The following DDX60 variants were observed in gnomAD, a reference collection of about 807,000 sequenced individuals.
DDX60 encodes DExD/H-box helicase 60, also known as probable ATP-dependent RNA helicase DDX60.
DDX60 carries 165 observed loss-of-function variants against 212.8 expected under a neutral mutation model. That is an observed-to-expected ratio of 0.78 (90% CI 0.68 to 0.88). The LOEUF (loss-of-function observed/expected upper bound fraction) is 0.88, where lower values mean the gene tolerates loss of function less well. Among genes scored for constraint, DDX60 ranks in the 40% least tolerant of loss-of-function variants. The pLI is 0.00. For synonymous variants in DDX60, 703 were observed against 685.3 expected (o/e 1.03, Z -0.40); for missense variants, 1,905 against 2,003.9 (o/e 0.95, Z 0.94).
Position 168,219,530 on chromosome 4 carries a change from G to A in DDX60, c.5039+1125C>T, listed in dbSNP as rs147474975. Among the ~76,000 whole-genome samples the A allele has an allele frequency of 2.7e-3, 410 of 152,086 alleles. 1 individual carries two copies. The highest frequency in any genetic ancestry group is 9.4e-3 in the African/African-American group (391 of 41,496). ...ACCCTATCTAGAGATATTCCAAGTG[G>A]ACAAAGCAGTTTCCTTCTGCTCCCA... On this transcript the variant is annotated intron_variant, in intron 37 of 37. Transcript: ENST00000393743.
intron 29 of DDX60, among the ~76,000 whole-genome samples, chr4:168,246,878 CAAA>C (rs1734042555): frequency 1.3e-5 from 2 of 152,082 alleles, no homozygotes; most frequent in African/African-American, 4.8e-5. Context: ...TAATATATAT[CAAA>C]GAAATAATGA....
chr4:168,299,157 C>CAAAAAAAA (rs1197872492), intron 6 of DDX60, among the ~76,000 whole-genome samples: 6 of 61,934 alleles, frequency 9.7e-5, no homozygotes, highest in African/African-American at 2.5e-4. Context: ...GAGACTGTCT[C>CAAAAAAAA]AAAAAAAAAA....
At chr4:168,300,041 T>G (rs1159778206) in intron 6 of DDX60, among the ~76,000 whole-genome samples, 1 of 152,226 alleles carries the variant, frequency 6.6e-6, no homozygotes, top group Non-Finnish European at 1.5e-5. Context: ...GCAAAAATTC[T>G]AAACAAAATG....
At chr4:168,265,043 T>C (rs775511968) in intron 22 of DDX60, among the ~76,000 whole-genome samples, 1 of 152,168 alleles carries the variant, frequency 6.6e-6, no homozygotes, top group Non-Finnish European at 1.5e-5. Context: ...TTTCAAGGAC[T>C]TCCTGGGGCT....
chr4:168,321,784 T>A (rs1214185137), upstream of DDX60, among the ~76,000 whole-genome samples: 1 of 152,150 alleles, frequency 6.6e-6, no homozygotes, highest in Non-Finnish European at 1.5e-5. Context: ...TATTTTAACA[T>A]CTCTTTGTCA....
At chr4:168,318,203 T>A (rs188736700) in intron 1 of DDX60, among the ~76,000 whole-genome samples, 31 of 152,348 alleles carry the variant, frequency 2.0e-4, no homozygotes, top group African/African-American at 6.5e-4. Context: ...AAACGCAGAT[T>A]CTGATTCTAC....
rs1313271041 is a variant in DDX60, at chr4:168,268,957, C to T, written c.2683G>A (p.Gly895Ser). 4 of 1,562,888 alleles carry T rather than the reference C, an allele frequency of 2.6e-6. No individual in the cohort carries two copies. In the Admixed American group the frequency reaches 5.3e-5, roughly 21 times the overall value. ...YVIFDEVHCL[G>S]GEIGAEIWEH... is the part of the protein sequence containing the mutation. Reference sequence around the variant, plus strand: ...CAGATTTCTGCTCCAATTTCTCCACCAAGACAATGAACCTATTAAACAAAA... The same window carrying T: ...CAGATTTCTGCTCCAATTTCTCCACTAAGACAATGAACCTATTAAACAAAA... The change falls in exon 20 of 38, where the codon GGT becomes AGT. Residue 895 changes from glycine to serine, a missense_variant. By Grantham distance (56) the Gly-to-Ser change is moderately conservative (BLOSUM62 0). Transcript: ENST00000393743.
chr4:168,285,258 T>C (rs1346586562), intron 11 of DDX60, 135 bp downstream of exon 11: 1 of 653,164 alleles, frequency 1.5e-6, no homozygotes, highest in Non-Finnish European at 2.6e-6. Flanking sequence ...AAAATTTTGA[T>C]TTTAAATTCA....
chr4:168,244,688 G>A (rs1378178193), intron 30 of DDX60, among the ~76,000 whole-genome samples: 1 of 151,872 alleles, frequency 6.6e-6, no homozygotes, highest in African/African-American at 2.4e-5. Context: ...TCATGCCACC[G>A]CACTCCAGCC....
chr4:168,252,548 C>T lies in DDX60; in HGVS notation c.3666G>A (p.Gln1222=), dbSNP rs753807412. 1.9e-6 allele frequency: 3 copies of T among 1,613,982 alleles called. No individual in the cohort carries two copies. In the East Asian group the frequency reaches 6.7e-5, roughly 36 times the overall value. The change falls in exon 27 of 38, where the codon CAG becomes CAA. Residue 1222 remains glutamine (Q), a synonymous_variant. Coordinates refer to ENST00000393743, the MANE Select transcript of DDX60 (RefSeq NM_017631.6). ...CTTTTTGATCAGCATATGTGCAGTCCTGTGGGATTTCCAGGTTCTTCTCTA... is the reference window on the plus strand; with the variant it reads ...CTTTTTGATCAGCATATGTGCAGTCTTGTGGGATTTCCAGGTTCTTCTCTA... ...KCLEKNLEIP[Q]DCTYADQKAV...
At chr4:168,227,212 T>C (rs1733289030) in intron 33 of DDX60, among the ~76,000 whole-genome samples, 1 of 44,768 alleles carries the variant, frequency 2.2e-5, no homozygotes, top group Non-Finnish European at 4.1e-5. Context: ...GTGGGAATGT[T>C]TTTTTTTTTT....
In DDX60 at chr4:168,221,755, A is replaced by T. The variant is rs1039964606; in HGVS notation, c.4951T>A (p.Leu1651Met). 6.2e-7 allele frequency: 1 copy of T among 1,612,828 alleles called. No homozygotes were observed. The highest frequency in any genetic ancestry group is 1.3e-5 in the African/African-American group (1 of 74,864). The change falls in exon 36 of 38, where the codon TTG becomes ATG. Residue 1651 changes from leucine to methionine, a missense_variant. Coordinates refer to ENST00000393743, the MANE Select transcript of DDX60 (RefSeq NM_017631.6). ...YALDFYKHGS[L>M]IGLVQDNRMN... is the part of the protein sequence containing the mutation. ...CTGTTATCCTGGACTAATCCTATCA[A>T]GGAACCATGTTTGTAGAAATCCAGT...
chr4:168,234,775 G>A (rs757264817), intron 33 of DDX60, among the ~76,000 whole-genome samples: 38 of 151,882 alleles, frequency 2.5e-4, no homozygotes, highest in Non-Finnish European at 5.1e-4. Context: ...AGGACTTTAC[G>A]GCTTTAGATG....
chr4:168,318,784 A>C (rs374926666), upstream of DDX60: 1 of 152,398 alleles, frequency 6.6e-6, no homozygotes, highest in East Asian at 1.9e-4. Flanking sequence ...TCTTTTATGC[A>C]TCCGGCGGGA....
intron 4 of DDX60, among the ~76,000 whole-genome samples, chr4:168,307,499 A>G (rs950697248): frequency 2.0e-5 from 3 of 152,146 alleles, no homozygotes; most frequent in Admixed American, 2.0e-4. Context: ...GCTGAAGTGC[A>G]GTGGCGTGAT....
chr4:168,324,793 T>C, the DDX60 span, among the ~76,000 whole-genome samples: 1 of 152,218 alleles, frequency 6.6e-6, no homozygotes, highest in Non-Finnish European at 1.5e-5. Context: ...TGAATGAGTA[T>C]CCCAAATGAA....
chr4:168,221,662 C>T, intron 36 of DDX60, 68 bp downstream of exon 36: 1 of 1,472,358 alleles, frequency 6.8e-7, no homozygotes, highest in Non-Finnish European at 9.1e-7. Flanking sequence ...CCTTAAAATT[C>T]ATTAAATTAA....
At chr4:168,256,084 T>C (rs1734398871) in intron 25 of DDX60, among the ~76,000 whole-genome samples, 3 of 144,608 alleles carry the variant, frequency 2.1e-5, no homozygotes, top group African/African-American at 2.6e-5. Context: ...CCTCCCCTTC[T>C]CCCTCCCCAC....
intron 33 of DDX60, among the ~76,000 whole-genome samples, chr4:168,232,607 G>A (rs1733494873): frequency 2.0e-5 from 3 of 151,946 alleles, no homozygotes; most frequent in Non-Finnish European, 4.4e-5. Context: ...CATAAAATGG[G>A]GAAAGGACAC....
Sources: gnomAD v4.1 joint callset for allele counts (sites outside exome capture counted in the v4.1 genomes callset) on GRCh38, gnomAD v4.1.1 for gene constraint, MANE v1.5 for transcripts, NCBI Gene and HGNC (gene_info 2026-07-23, HGNC 2026-07-21) for gene names.